The following SNTG2 variants were observed in gnomAD, a reference collection of about 807,000 sequenced individuals.
The protein encoded by SNTG2 is syntrophin gamma 2, also known as gamma-2-syntrophin.
In SNTG2, 74 loss-of-function variants were observed where a neutral mutation model predicts 70.9. The observed-to-expected ratio is 1.04, with a 90% CI of 0.86 to 1.27. The LOEUF is 1.27. Ranked by LOEUF, SNTG2 falls within the 50% of genes most tolerant of loss-of-function variation. The pLI is 0.00. For synonymous variants in SNTG2, 278 were observed against 273.8 expected (o/e 1.02, Z -0.15); for missense variants, 717 against 690.7 (o/e 1.04, Z -0.43).
chr2:1,153,880 G>T (rs748117491), intron 6 of SNTG2, among the ~76,000 whole-genome samples: 2 of 152,158 alleles, frequency 1.3e-5, no homozygotes, highest in Non-Finnish European at 2.9e-5. Flanking sequence ...GCCTGAGGTT[G>T]GCAACTGCTA....
At chr2:1,032,919 T>A (rs1201168599) in intron 1 of SNTG2, among the ~76,000 whole-genome samples, 1 of 152,170 alleles carries the variant, frequency 6.6e-6, no homozygotes, top group African/African-American at 2.4e-5. Flanking sequence ...GACATCTGCC[T>A]AGATTCTGGG....
intron 12 of SNTG2, among the ~76,000 whole-genome samples, chr2:1,252,076 G>T (rs564375225): frequency 6.6e-6 from 1 of 152,172 alleles, no homozygotes; most frequent in East Asian, 1.9e-4. Flanking sequence ...CTCTGGAGGC[G>T]CCCAGTACGC....
intron 14 of SNTG2, among the ~76,000 whole-genome samples, chr2:1,286,390 T>A (rs772266130): frequency 6.6e-6 from 1 of 152,206 alleles, no homozygotes; most frequent in Non-Finnish European, 1.5e-5. Context: ...CTAGTTGGCA[T>A]TGTGACTTCA....
chr2:1,357,593 G>A (rs1660920364), intron 16 of SNTG2, among the ~76,000 whole-genome samples: 1 of 152,102 alleles, frequency 6.6e-6, no homozygotes, highest in African/African-American at 2.4e-5. Context: ...AAAGATTGAT[G>A]TTAATTTTTC....
chr2:1,207,991 C>T (rs1037196084), intron 8 of SNTG2, among the ~76,000 whole-genome samples: 1 of 152,206 alleles, frequency 6.6e-6, no homozygotes, highest in Non-Finnish European at 1.5e-5. Context: ...GTATGAAAGA[C>T]ACTTCATGCC....
chr2:1,078,860 G>A (rs556642258), intron 1 of SNTG2, among the ~76,000 whole-genome samples: 2 of 152,292 alleles, frequency 1.3e-5, no homozygotes, highest in African/African-American at 4.8e-5. Flanking sequence ...TCAGGAGGGA[G>A]GAAGGTCACA....
At chr2:1,088,780 CCTT>C (rs1664837230) in intron 2 of SNTG2, among the ~76,000 whole-genome samples, 2 of 152,196 alleles carry the variant, frequency 1.3e-5, no homozygotes, top group Non-Finnish European at 2.9e-5. Context: ...GGGAGGATAT[CCTT>C]CTTACGAAAA....
At position 1,097,283 on chromosome 2, in the gene SNTG2, C is replaced by G. The variant is rs1488633532; in HGVS notation, c.211-913C>G. 2.0e-5 allele frequency among the ~76,000 whole-genome samples: 3 copies of G among 152,196 alleles called. No individual in the cohort carries two copies. The highest frequency in any genetic ancestry group is 4.8e-5 in the African/African-American group (2 of 41,442). Reference sequence around the variant, plus strand: ...CCGGGGCGGGAGCTCCCAGGTCCCCCCTTCGGCGTGGGCTCTGCCACCCTT... The same window carrying G: ...CCGGGGCGGGAGCTCCCAGGTCCCCGCTTCGGCGTGGGCTCTGCCACCCTT... On this transcript the variant is annotated intron_variant, in intron 2 of 16. Transcript: ENST00000308624. This position sits in a 1 kb window ranked among gnomAD's most constrained non-coding sequence, Gnocchi z 4.1.
intron 4 of SNTG2, among the ~76,000 whole-genome samples, chr2:1,109,907 G>A (rs1355905976): frequency 2.9e-4 from 44 of 152,282 alleles, no homozygotes; most frequent in Non-Finnish European, 4.9e-4. Flanking sequence ...AGACGAACGC[G>A]AACCTTCAGT....
chr2:977,186 A>G (rs551802118), intron 1 of SNTG2, among the ~76,000 whole-genome samples: 5 of 152,388 alleles, frequency 3.3e-5, no homozygotes, highest in East Asian at 3.9e-4. Context: ...CGCTGTAAGT[A>G]TATATAATCC....
At chr2:1,198,774 G>T (rs938647359) in intron 8 of SNTG2, among the ~76,000 whole-genome samples, 2 of 151,734 alleles carry the variant, frequency 1.3e-5, no homozygotes, top group East Asian at 3.9e-4. Flanking sequence ...TAGCAAATTG[G>T]AAAACAGAGA....
intron 4 of SNTG2, among the ~76,000 whole-genome samples, chr2:1,106,016 A>ACTGG (rs1246161929): frequency 6.6e-6 from 1 of 151,322 alleles, no homozygotes; most frequent in East Asian, 1.9e-4. Flanking sequence ...CCTTGGTAAT[A>ACTGG]ATGGACACGT....
At chr2:1,224,964 G>T (rs1266130070) in intron 9 of SNTG2, among the ~76,000 whole-genome samples, 1 of 152,086 alleles carries the variant, frequency 6.6e-6, no homozygotes, top group Non-Finnish European at 1.5e-5. Context: ...GCAGTGTTAG[G>T]CAGGAAAACA....
At chr2:1,181,239 T>G (rs921266380) in intron 8 of SNTG2, among the ~76,000 whole-genome samples, 2 of 151,394 alleles carry the variant, frequency 1.3e-5, no homozygotes, top group African/African-American at 4.9e-5. Context: ...AAATAAAGCA[T>G]TGTGGTTATT....
intron 9 of SNTG2, among the ~76,000 whole-genome samples, chr2:1,229,652 G>A (rs576772034): frequency 5.9e-5 from 9 of 152,312 alleles, no homozygotes; most frequent in East Asian, 3.9e-4. Context: ...AGCAGGGGGC[G>A]GTGTTCATTG....
intron 9 of SNTG2, among the ~76,000 whole-genome samples, chr2:1,229,890 T>G (rs866806534): frequency 6.6e-6 from 1 of 152,104 alleles, no homozygotes; most frequent in African/African-American, 2.4e-5. Context: ...CTGCTCCGAG[T>G]GCGGAGCCCG....
chr2:1,067,888 G>C (rs958428671), intron 1 of SNTG2, among the ~76,000 whole-genome samples: 2 of 152,242 alleles, frequency 1.3e-5, no homozygotes, highest in South Asian at 4.2e-4. Flanking sequence ...CGCTTTCCCC[G>C]GGAGGAAGTG....
chr2:1,247,280 A>C, intron 11 of SNTG2, 47 bp from the exon 12 acceptor site: 1 of 1,167,336 alleles, frequency 8.6e-7, no homozygotes, highest in Non-Finnish European at 1.3e-6. Flanking sequence ...CTGCTGTGAC[A>C]GTATGCCCTC....
chr2:1,043,335 A>G (rs78060669), intron 1 of SNTG2, among the ~76,000 whole-genome samples: 2,139 of 152,256 alleles, frequency 0.014, 18 homozygotes, highest in Non-Finnish European at 0.025. Flanking sequence ...TCAGATGCAT[A>G]GTTTGCAAAT....
Sources: gnomAD v4.1 joint callset for allele counts (sites outside exome capture counted in the v4.1 genomes callset) on GRCh38, gnomAD v4.1.1 for gene constraint, Gnocchi (gnomAD v3.1) non-coding constraint, MANE v1.5 for transcripts, NCBI Gene and HGNC (gene_info 2026-07-23, HGNC 2026-07-21) for gene names.